The following RFTN2 variants were observed in gnomAD, a reference collection of about 807,000 sequenced individuals.
RFTN2 encodes the protein raftlin family member 2, also known as raftlin-2.
In RFTN2, 34 loss-of-function variants were observed where a neutral mutation model predicts 52.7. The ratio of observed to expected loss-of-function variants is 0.64; its 90% confidence interval spans 0.49 to 0.86. The LOEUF is 0.86. Among genes scored for constraint, RFTN2 ranks in the 40% least tolerant of loss-of-function variants. RFTN2 has a pLI of 0.00. For synonymous variants in RFTN2, 203 were observed against 217.7 expected, an observed-to-expected ratio of 0.93 and a Z score of 0.59; for missense variants, 536 against 600.1, an observed-to-expected ratio of 0.89 and a Z score of 1.12.
chr2:197,636,944 C>T (rs1198359165), intron 3 of RFTN2, among the ~76,000 whole-genome samples: 11 of 152,100 alleles, frequency 7.2e-5, no homozygotes, highest in Non-Finnish European at 1.5e-4. Flanking sequence ...GAGTTTTTAG[C>T]ATGAAGTGTT....
chr2:197,602,330 C>T (rs954852191), intron 7 of RFTN2, among the ~76,000 whole-genome samples: 3 of 152,100 alleles, frequency 2.0e-5, no homozygotes, highest in African/African-American at 7.2e-5. Flanking sequence ...CTTGGCCTCC[C>T]AAAGTGCTGG....
At chr2:197,624,256 G>A (rs1187108943) in intron 5 of RFTN2, among the ~76,000 whole-genome samples, 2 of 152,174 alleles carry the variant, frequency 1.3e-5, no homozygotes, top group Admixed American at 1.3e-4. Flanking sequence ...AAGTTCTACT[G>A]TGGTTAAAAT....
At chr2:197,594,659 T>C (rs564480762) in intron 8 of RFTN2, among the ~76,000 whole-genome samples, 23 of 152,318 alleles carry the variant, frequency 1.5e-4, no homozygotes, top group African/African-American at 5.5e-4. Flanking sequence ...AATAAACTCA[T>C]GAACTTGAGT....
rs2088753312 is a variant in RFTN2, at chr2:197,646,589, C to A, written c.217G>T (p.Gly73Ter). 1 of 1,612,892 alleles carries A rather than the reference C, an allele frequency of 6.2e-7. No individual in the cohort carries two copies. The highest frequency in any genetic ancestry group is 1.7e-5 in the Admixed American group (1 of 59,992). The change falls in exon 2 of 9, where the codon GGA becomes TGA. Residue 73 changes from glycine (G) to a stop codon, truncating the protein, a stop_gained. Transcript: ENST00000295049. LOFTEE classifies it high-confidence loss of function. ...VTKVENYYLK[G>*]YIVGAIHPVI... Reference sequence around the variant, plus strand: ...GGATGAATAGCCCCGACAATATATCCTTTAAGATAATAGTTTTCCACTTTT... The same window carrying A: ...GGATGAATAGCCCCGACAATATATCATTTAAGATAATAGTTTTCCACTTTT...
chr2:197,579,953 C>A (rs766489591), intron 8 of RFTN2, among the ~76,000 whole-genome samples: 2 of 152,132 alleles, frequency 1.3e-5, no homozygotes, highest in Non-Finnish European at 2.9e-5. Flanking sequence ...GTGGCTGGAG[C>A]TAAAGGCGTA....
intron 6 of RFTN2, among the ~76,000 whole-genome samples, chr2:197,617,332 A>C (rs1361727272): frequency 6.6e-6 from 1 of 152,248 alleles, no homozygotes; most frequent in Non-Finnish European, 1.5e-5. Flanking sequence ...AACATTTAAC[A>C]CTGGATAAAG....
chr2:197,610,778 A>T (rs2088044251), intron 7 of RFTN2, among the ~76,000 whole-genome samples: 1 of 152,116 alleles, frequency 6.6e-6, no homozygotes, highest in Non-Finnish European at 1.5e-5. Flanking sequence ...TTATTTTGAG[A>T]TATGTTCTAT....
chr2:197,634,567 T>C (rs2088528248), intron 3 of RFTN2, among the ~76,000 whole-genome samples: 1 of 152,138 alleles, frequency 6.6e-6, no homozygotes, highest in African/African-American at 2.4e-5. Context: ...TTTATGGTAT[T>C]GTCTCCTATG....
intron 7 of RFTN2, among the ~76,000 whole-genome samples, chr2:197,609,454 T>C (rs528827769): frequency 2.6e-5 from 4 of 152,356 alleles, no homozygotes; most frequent in African/African-American, 9.6e-5. Flanking sequence ...TCTGTTCATA[T>C]CCTTCACCCA....
At chr2:197,633,584 T>C in intron 4 of RFTN2, 134 bp downstream of exon 4, 2 of 712,750 alleles carry the variant, frequency 2.8e-6, no homozygotes, top group Admixed American at 3.3e-5. Context: ...TTAAAAATCA[T>C]GAGGTTTTTA....
At chr2:197,595,869 G>A in intron 8 of RFTN2, 122 bp downstream of exon 8, 1 of 601,420 alleles carries the variant, frequency 1.7e-6, no homozygotes, top group Non-Finnish European at 2.9e-6. Flanking sequence ...TTCCCTTATA[G>A]GTTGGTTCAG....
In RFTN2 at chr2:197,664,931, G is replaced by A. The variant is rs138429999; in HGVS notation, c.139+10389C>T. ...GTTAGGTTCATGTGGTCTAACGTCC[G>A]GTTTAAATCCAGTCTTTCATTGGGT... On this transcript the variant is annotated intron_variant, in intron 1 of 8. Transcript: ENST00000295049. 1.2e-4 allele frequency among the ~76,000 whole-genome samples: 18 copies of A among 152,212 alleles called. No homozygotes were observed. The East Asian group carries it at 2.9e-3, about 24-fold the overall frequency.
At chr2:197,632,336 A>T (rs2088481081) in intron 4 of RFTN2, among the ~76,000 whole-genome samples, 1 of 152,172 alleles carries the variant, frequency 6.6e-6, no homozygotes, top group Non-Finnish European at 1.5e-5. Context: ...GAATCATGGG[A>T]GCGGTTTCCC....
At chr2:197,670,075 A>C (rs959144288) in intron 1 of RFTN2, among the ~76,000 whole-genome samples, 6 of 152,160 alleles carry the variant, frequency 3.9e-5, no homozygotes, top group South Asian at 2.1e-4. Flanking sequence ...GTGTAATTGT[A>C]GTTCCTCTGT....
chr2:197,673,452 AAAC>A (rs1460601601), intron 1 of RFTN2, among the ~76,000 whole-genome samples: 2 of 152,222 alleles, frequency 1.3e-5, no homozygotes, highest in African/African-American at 4.8e-5. Flanking sequence ...GAAAAAACTA[AAAC>A]AAAAACATGG....
chr2:197,631,307 C>G (rs1043709961), intron 4 of RFTN2, 87 bp from the exon 5 acceptor site: 1 of 923,926 alleles, frequency 1.1e-6, no homozygotes, highest in Non-Finnish European at 1.8e-6. Flanking sequence ...TGAGATATTC[C>G]AAGCATACAA....
intron 7 of RFTN2, among the ~76,000 whole-genome samples, chr2:197,598,998 C>A (rs527867215): frequency 6.6e-6 from 1 of 151,942 alleles, no homozygotes; most frequent in East Asian, 1.9e-4. Context: ...GTCGCCCAGG[C>A]TGGAGTGCAG....
intron 7 of RFTN2, among the ~76,000 whole-genome samples, chr2:197,614,995 T>C (rs1415036612): frequency 6.6e-6 from 1 of 152,038 alleles, no homozygotes; most frequent in Non-Finnish European, 1.5e-5. Flanking sequence ...CTTTACTTTA[T>C]ATCCACCTTA....
At chr2:197,616,457 A>G (rs2088147431) in intron 6 of RFTN2, among the ~76,000 whole-genome samples, 2 of 151,540 alleles carry the variant, frequency 1.3e-5, no homozygotes, top group Non-Finnish European at 2.9e-5. Flanking sequence ...ATGCCTGGTT[A>G]ATTTTAAAAT....
Sources: gnomAD v4.1 joint callset for allele counts (sites outside exome capture counted in the v4.1 genomes callset) on GRCh38, gnomAD v4.1.1 for gene constraint, MANE v1.5 for transcripts, NCBI Gene and HGNC (gene_info 2026-07-23, HGNC 2026-07-21) for gene names.